Variants in NHSL1 observed in about 807,000 individuals in gnomAD.
NHSL1 encodes the protein NHS like 1, also known as NHS-like protein 1.
Under a neutral mutation model 95.0 loss-of-function variants are expected in NHSL1, and 48 were observed. That is an observed-to-expected ratio of 0.51 (90% CI 0.40 to 0.64). The LOEUF (loss-of-function observed/expected upper bound fraction) is 0.64, where lower values mean the gene tolerates loss of function less well. Ranked by LOEUF, NHSL1 falls within the 30% of genes least tolerant of loss-of-function variation. The probability of loss-of-function intolerance (pLI) is 0.00; values close to 1 mark genes in which losing one functional copy is unlikely to be tolerated. For missense variants in NHSL1, 1,971 were observed against 2,077.7 expected, an observed-to-expected ratio of 0.95 and a Z score of 1.00; for synonymous variants, 783 against 833.9, an observed-to-expected ratio of 0.94 and a Z score of 1.05.
intron 3 of NHSL1, chr6:138,464,359 G>C: frequency 2.0e-6 from 1 of 494,500 alleles, no homozygotes; most frequent in Admixed American, 2.8e-5. Context: ...TCTTGCAGGT[G>C]GTCGCCATCG....
At chr6:138,592,630 A>C (rs142636284) in intron 1 of NHSL1, among the ~76,000 whole-genome samples, 1 of 151,994 alleles carries the variant, frequency 6.6e-6, no homozygotes, top group African/African-American at 2.4e-5. Flanking sequence ...AAAAAACAAA[A>C]AACAACAACA....
At chr6:138,670,660 C>T (rs1408788254) in intron 1 of NHSL1, among the ~76,000 whole-genome samples, 2 of 121,138 alleles carry the variant, frequency 1.7e-5, no homozygotes, top group Non-Finnish European at 3.3e-5. Context: ...AGCGAGACTC[C>T]GTCTCAAAAA....
In NHSL1 at chr6:138,433,518, A is replaced by G; in HGVS notation, c.827T>C (p.Met276Thr). Residue 276 changes from methionine (M) to threonine (T), a missense_variant, in exon 6 of 8, where the codon ATG becomes ACG. Physicochemically the swap from Met to Thr is moderately conservative, Grantham distance 81 (BLOSUM62 -1). Coordinates refer to ENST00000343505, the MANE Select transcript of NHSL1 (RefSeq NM_001144060.2). ...TEDVKVVPPS[M>T]RRIRAQKGQG... ...CCCCTTCTGTGCCCTGATTCTCCTC[A>G]TGGAAGGTGGTACGACCTTCACATC... 1.3e-6 allele frequency: 2 copies of G among 1,551,984 alleles called. No individual in the cohort carries two copies. The highest frequency in any genetic ancestry group is 2.4e-5 in the East Asian group (1 of 40,900).
intron 1 of NHSL1, among the ~76,000 whole-genome samples, chr6:138,659,142 C>T (rs908218790): frequency 4.0e-5 from 6 of 150,890 alleles, no homozygotes; most frequent in East Asian, 1.9e-4. Flanking sequence ...CTCCACTTTC[C>T]GAGTTCAAGT....
At chr6:138,508,346 G>A (rs1374298887) in intron 1 of NHSL1, among the ~76,000 whole-genome samples, 1 of 152,182 alleles carries the variant, frequency 6.6e-6, no homozygotes, top group Non-Finnish European at 1.5e-5. Context: ...GGCTAACATG[G>A]TAGAGCTTTG....
In NHSL1 at chr6:138,668,626, C is replaced by CTTT. The variant is rs1231203513; in HGVS notation, c.96+23847_96+23849dup. On this transcript the variant is annotated intron_variant, in intron 1 of 3. Transcript: ENST00000491526. ...ATTTAAAAACAAGAAATTTTTTTTT[C>CTTT]TTTTTTTTTTTTTTTTTGAGACAGA... is the stretch of plus-strand genomic sequence containing the variant. Among the ~76,000 whole-genome samples, 245 of 130,408 alleles carry CTTT rather than the reference C, an allele frequency of 1.9e-3. 6 individuals carry two copies. The highest frequency in any genetic ancestry group is 6.4e-3 in the African/African-American group (228 of 35,440). The allele number at this position is 130,408 out of a possible 152,430, so 85.6% of individuals were successfully genotyped here.
chr6:138,664,546 T>C (rs2114742198), intron 1 of NHSL1, among the ~76,000 whole-genome samples: 2 of 152,288 alleles, frequency 1.3e-5, no homozygotes, highest in South Asian at 4.1e-4. Context: ...AGGATGGAGC[T>C]AAATGCTAAA....
chr6:138,560,739 G>T, intron 1 of NHSL1, among the ~76,000 whole-genome samples: 1 of 152,196 alleles, frequency 6.6e-6, no homozygotes, highest in South Asian at 2.1e-4. Flanking sequence ...AAGAATCCCC[G>T]ACCAATCAAG....
At chr6:138,502,086 A>G (rs1780713625), upstream of NHSL1, among the ~76,000 whole-genome samples, 1 of 152,182 alleles carries the variant, frequency 6.6e-6, no homozygotes, top group Admixed American at 6.5e-5. Context: ...CTGGGGGAGA[A>G]TGCAGGCTTC....
chr6:138,461,638 C>A (rs1186371225), intron 3 of NHSL1, among the ~76,000 whole-genome samples: 3 of 151,864 alleles, frequency 2.0e-5, no homozygotes, highest in South Asian at 2.1e-4. Flanking sequence ...TTTAAGTGTG[C>A]GCTGGGGATA....
At chr6:138,659,634 T>A (rs1221828555) in intron 1 of NHSL1, among the ~76,000 whole-genome samples, 1 of 152,130 alleles carries the variant, frequency 6.6e-6, no homozygotes, top group African/African-American at 2.4e-5. Context: ...GACGTTTTGC[T>A]TATTACATTA....
intron 1 of NHSL1, among the ~76,000 whole-genome samples, chr6:138,672,413 C>T (rs1019470779): frequency 1.3e-5 from 2 of 152,074 alleles, no homozygotes; most frequent in African/African-American, 4.8e-5. Context: ...GACCGCCCAG[C>T]ACTCAACAAT....
intron 1 of NHSL1, among the ~76,000 whole-genome samples, chr6:138,597,030 G>A (rs1391704485): frequency 5.9e-5 from 9 of 152,126 alleles, no homozygotes; most frequent in South Asian, 2.1e-4. Context: ...GTGTGGTGGC[G>A]GATGTCTGTA....
chr6:138,617,929 A>C (rs1784602697), intron 1 of NHSL1, among the ~76,000 whole-genome samples: 2 of 152,318 alleles, frequency 1.3e-5, no homozygotes, highest in African/African-American at 4.8e-5. Context: ...CTGATGCACA[A>C]GGATGGGACC....
intron 7 of NHSL1, among the ~76,000 whole-genome samples, chr6:138,427,856 T>A (rs1221368782): frequency 1.3e-5 from 2 of 152,226 alleles, no homozygotes; most frequent in African/African-American, 2.4e-5. Flanking sequence ...ATTTTTACTA[T>A]GTCTGCTAAT....
upstream of NHSL1, among the ~76,000 whole-genome samples, chr6:138,501,424 CA>C (rs1780672270): frequency 6.6e-6 from 1 of 152,042 alleles, no homozygotes; most frequent in African/African-American, 2.4e-5. Flanking sequence ...AGTTAAGCAA[CA>C]TAAAAGGGGG....
rs147662563 is a variant in NHSL1 at position 138,441,453 on chromosome 6, G to T, written c.664+530C>A. Among the ~76,000 whole-genome samples the T allele has an allele frequency of 8.3e-3, 1,267 of 152,270 alleles. 15 individuals are homozygous for T. The highest frequency in any genetic ancestry group is 8.3e-3 in the Non-Finnish European group (564 of 68,020). On this transcript the variant is annotated intron_variant, in intron 5 of 7. Transcript: ENST00000343505. ...AAAGAATTAAGGATAAAGAAGCTAT[G>T]AAATTGTTTCACTGAAAGTAATAAA...
At chr6:138,625,727 TA>T (rs1160881685) in intron 1 of NHSL1, among the ~76,000 whole-genome samples, 13 of 151,304 alleles carry the variant, frequency 8.6e-5, no homozygotes, top group African/African-American at 3.2e-4. Flanking sequence ...CACTGCCGCC[TA>T]AAACTCCGGG....
chr6:138,562,324 A>C (rs1246702371), intron 1 of NHSL1, among the ~76,000 whole-genome samples: 2 of 152,188 alleles, frequency 1.3e-5, no homozygotes, highest in Non-Finnish European at 2.9e-5. Context: ...AAAAGTAATT[A>C]TGAAAATCTG....
Sources: allele counts gnomAD v4.1 joint callset (sites outside exome capture counted in the v4.1 genomes callset), GRCh38; gene constraint gnomAD v4.1.1; transcripts MANE v1.5; gene names NCBI Gene and HGNC (gene_info 2026-07-23, HGNC 2026-07-21).